CNTNAP2: variants seen among roughly 807,000 people sequenced by gnomAD.
The protein encoded by CNTNAP2 is contactin associated protein 2.
In CNTNAP2, 98 loss-of-function variants were observed where a neutral mutation model predicts 155.2. The observed-to-expected ratio is 0.63, with a 90% CI of 0.54 to 0.75. CNTNAP2 has a LOEUF of 0.75. Among genes scored for constraint, CNTNAP2 ranks in the 30% least tolerant of loss-of-function variants. The pLI is 0.00. For missense variants in CNTNAP2, 1,727 were observed against 1,688.1 expected, an observed-to-expected ratio of 1.02 and a Z score of -0.40; for synonymous variants, 651 against 631.2, an observed-to-expected ratio of 1.03 and a Z score of -0.47.
At chr7:147,415,198 C>T (rs544443044) in intron 10 of CNTNAP2, among the ~76,000 whole-genome samples, 21 of 152,230 alleles carry the variant, frequency 1.4e-4, no homozygotes, top group Admixed American at 1.4e-3. Flanking sequence ...AGAGCTCTCA[C>T]CCTTATTCTC....
At position 148,415,797 on chromosome 7, in the gene CNTNAP2, T is replaced by C; in HGVS notation, c.*181T>C. On this transcript the variant is annotated 3_prime_UTR_variant, in exon 24 of 24. Transcript: ENST00000361727. ...ACTGATCACAAAAAAAAAAACCTTT[T>C]TAATATTTCTTTATAGCTGAGTTTT... 1.5e-6 allele frequency: 1 copy of C among 671,836 alleles called. No individual in the cohort carries two copies. Among genetic ancestry groups the C allele is most frequent in the Non-Finnish European group, 2.5e-6 (1 of 401,652 alleles). The allele number at this position is 671,836 out of a possible 1,614,324, so 41.6% of individuals were successfully genotyped here.
At chr7:148,111,976 A>C (rs1804362749) in intron 15 of CNTNAP2, among the ~76,000 whole-genome samples, 1 of 152,184 alleles carries the variant, frequency 6.6e-6, no homozygotes. Context: ...GTGTGGCAAA[A>C]GGAAGTCCCT....
At chr7:148,347,417 A>G (rs1798346622) in intron 21 of CNTNAP2, among the ~76,000 whole-genome samples, 1 of 152,190 alleles carries the variant, frequency 6.6e-6, no homozygotes, top group African/African-American at 2.4e-5. Flanking sequence ...ACCCAAGACC[A>G]TACAACAAGA....
chr7:147,681,200 C>T (rs192298951), intron 13 of CNTNAP2, among the ~76,000 whole-genome samples: 106 of 151,966 alleles, frequency 7.0e-4, no homozygotes, highest in African/African-American at 2.0e-3. Flanking sequence ...AGAAATAGAA[C>T]GGATTTGGAA....
intron 3 of CNTNAP2, among the ~76,000 whole-genome samples, chr7:146,938,374 A>T (rs929996709): frequency 3.2e-5 from 4 of 126,780 alleles, no homozygotes; most frequent in Admixed American, 2.9e-4. Flanking sequence ...ATAATATATA[A>T]GTAGTAGAAG....
chr7:147,557,256 T>G (rs1799969624), intron 11 of CNTNAP2, among the ~76,000 whole-genome samples: 1 of 151,662 alleles, frequency 6.6e-6, no homozygotes, highest in African/African-American at 2.4e-5. Context: ...AGAGCCAGAC[T>G]CCATCTCAAA....
At chr7:148,298,528 G>A (rs960294057) in intron 21 of CNTNAP2, among the ~76,000 whole-genome samples, 3 of 151,958 alleles carry the variant, frequency 2.0e-5, no homozygotes, top group Admixed American at 6.6e-5. Context: ...CAGATTGAGG[G>A]TGGGTCTGCC....
intron 1 of CNTNAP2, among the ~76,000 whole-genome samples, chr7:146,353,582 T>G (rs1794954022): frequency 6.6e-6 from 1 of 152,188 alleles, no homozygotes; most frequent in Admixed American, 6.5e-5. Flanking sequence ...TATGTGGCAA[T>G]GTAGACTAAT....
intron 1 of CNTNAP2, among the ~76,000 whole-genome samples, chr7:146,201,527 T>C (rs576939075): frequency 6.6e-6 from 1 of 152,148 alleles, no homozygotes; most frequent in African/African-American, 2.4e-5. Flanking sequence ...GTTTGTTGGA[T>C]TTTCCAGCAT....
intron 1 of CNTNAP2, among the ~76,000 whole-genome samples, chr7:146,206,463 C>A (rs915007107): frequency 6.6e-6 from 1 of 151,808 alleles, no homozygotes; most frequent in Admixed American, 6.6e-5. Context: ...TACTATTAAT[C>A]AAACTGAAGA....
At chr7:146,335,350 A>G (rs1801256487) in intron 1 of CNTNAP2, among the ~76,000 whole-genome samples, 1 of 152,224 alleles carries the variant, frequency 6.6e-6, no homozygotes, top group Admixed American at 6.5e-5. Context: ...GTAATTTTAA[A>G]AAAGAGCTAC....
chr7:146,151,653 T>C (rs1287283151), intron 1 of CNTNAP2, among the ~76,000 whole-genome samples: 48 of 23,706 alleles, frequency 2.0e-3, no homozygotes, highest in South Asian at 4.1e-3. Context: ...TATATATATA[T>C]ATATATATAT....
chr7:147,125,743 A>G (rs1276604272), intron 6 of CNTNAP2, among the ~76,000 whole-genome samples: 1 of 152,184 alleles, frequency 6.6e-6, no homozygotes, highest in Non-Finnish European at 1.5e-5. Flanking sequence ...GACAATTCAT[A>G]TTCCCCTTTG....
At chr7:146,129,284 T>A (rs1178584723) in intron 1 of CNTNAP2, among the ~76,000 whole-genome samples, 1 of 152,202 alleles carries the variant, frequency 6.6e-6, no homozygotes, top group Non-Finnish European at 1.5e-5. Context: ...AAAATGACAT[T>A]GTTTCTTTTA....
intron 11 of CNTNAP2, among the ~76,000 whole-genome samples, chr7:147,530,544 T>C (rs1329701123): frequency 6.6e-6 from 1 of 152,142 alleles, no homozygotes; most frequent in African/African-American, 2.4e-5. Flanking sequence ...AAACCCCTAA[T>C]AGACCCATTA....
chr7:147,573,888 T>C (rs1379691378), intron 12 of CNTNAP2, among the ~76,000 whole-genome samples: 9 of 152,160 alleles, frequency 5.9e-5, no homozygotes, highest in Admixed American at 5.9e-4. Context: ...CCCTGGTAGC[T>C]TCTTGATCCT....
intron 8 of CNTNAP2, among the ~76,000 whole-genome samples, chr7:147,293,480 A>T (rs111524663): frequency 6.6e-6 from 1 of 152,134 alleles, no homozygotes; most frequent in South Asian, 2.1e-4. Flanking sequence ...TATTAATAAG[A>T]TATATTAGTA....
chr7:146,861,287 A>AG (rs1413565630), intron 3 of CNTNAP2, among the ~76,000 whole-genome samples: 1 of 152,096 alleles, frequency 6.6e-6, no homozygotes, highest in Non-Finnish European at 1.5e-5. Flanking sequence ...TCCTGACCTC[A>AG]GGAGATCCAC....
rs374106026 is a variant in CNTNAP2, at chr7:148,383,100, G to A, written c.3476-549G>A. Among the ~76,000 whole-genome samples the A allele has an allele frequency of 1.8e-4, 27 of 152,118 alleles. No homozygotes were observed. In the South Asian group the frequency reaches 1.9e-3, roughly 11 times the overall value. ...CTGCCAAAACCTCCATCAGACACTA[G>A]CCGGGGATTCTGTAAATCTCAGAAT... On this transcript the variant is annotated intron_variant, in intron 21 of 23. Transcript: ENST00000361727.
Sources: allele counts gnomAD v4.1 joint callset (sites outside exome capture counted in the v4.1 genomes callset), GRCh38; gene constraint gnomAD v4.1.1; transcripts MANE v1.5; gene names NCBI Gene and HGNC (gene_info 2026-07-23, HGNC 2026-07-21).